Variants in GDF7 observed in about 807,000 individuals in gnomAD.
GDF7 encodes growth/differentiation factor 7.
A neutral mutation model predicts 13.4 loss-of-function variants in GDF7; 12 were observed. That is an observed-to-expected ratio of 0.90 (90% confidence interval 0.57 to 1.45). GDF7 has a LOEUF of 1.45. Among genes scored for constraint, GDF7 ranks in the 40% most tolerant of loss-of-function variants. GDF7 has a pLI of 0.00. For missense variants in GDF7, 651 were observed against 652.4 expected (o/e 1.00, Z 0.02); for synonymous variants, 330 against 306.4 (o/e 1.08, Z -0.80).
Position 20,670,607 on chromosome 2 carries a change from TTGC to T in GDF7, c.544_546del (p.Leu182del), listed in dbSNP as rs1042704917. 6.3e-7 allele frequency: 1 copy of T among 1,590,826 alleles called. No homozygotes were observed. The highest frequency in any genetic ancestry group is 8.5e-7 in the Non-Finnish European group (1 of 1,170,948). Reference sequence around the variant, plus strand: ...CCCAGGCAGCTGGACTTCTCCGCCGTTGCTGCTGCTGTCCACGTGCCCGGGCGC... The same window carrying T: ...CCCAGGCAGCTGGACTTCTCCGCCGTTGCTGCTGTCCACGTGCCCGGGCGC... On this transcript the variant is annotated inframe_deletion, in exon 2 of 2. Coordinates refer to ENST00000272224, the MANE Select transcript of GDF7 (RefSeq NM_182828.4).
Position 20,670,492 on chromosome 2 carries a change from C to A in GDF7, c.420C>A (p.Ser140Arg). Residue 140 changes from serine to arginine, a missense_variant, in exon 2 of 2, where the codon AGC (serine) becomes AGA (arginine). Transcript: ENST00000272224. ...QDESAAETGQ[S>R]FLFDVSSLND... Reference sequence around the variant, plus strand: ...AATCGGCAGCCGAAACAGGCCAGAGCTTCCTGTTCGACGTGTCCAGCCTTA... The same window carrying A: ...AATCGGCAGCCGAAACAGGCCAGAGATTCCTGTTCGACGTGTCCAGCCTTA... 1.3e-6 allele frequency: 2 copies of A among 1,570,634 alleles called. No individual in the cohort carries two copies. Among genetic ancestry groups the A allele is most frequent in the Non-Finnish European group, 1.7e-6 (2 of 1,159,402 alleles).
At chr2:20,669,301 C>A (rs1336140508) in intron 1 of GDF7, among the ~76,000 whole-genome samples, 1 of 152,168 alleles carries the variant, frequency 6.6e-6, no homozygotes, top group Non-Finnish European at 1.5e-5. Context: ...ACCTTCGTGG[C>A]TGGTGAGCAA....
At chr2:20,670,433 C>G (rs201215853) in intron 1 of GDF7, 31 bp from the exon 2 acceptor site, 6 of 1,493,634 alleles carry the variant, frequency 4.0e-6, no homozygotes, top group Non-Finnish European at 5.4e-6. Context: ...TTACACAGCT[C>G]TTTCTCTCTG....
Position 20,667,686 on chromosome 2 carries a change from C to T in GDF7, c.391+56C>T, listed in dbSNP as rs879418284. The T allele has an allele frequency of 3.9e-6, 5 of 1,268,572 alleles. No homozygotes were observed. Among genetic ancestry groups the T allele is most frequent in the Non-Finnish European group, 5.0e-6 (5 of 997,560 alleles). The allele number at this position is 1,268,572 out of a possible 1,614,324, so 78.6% of individuals were successfully genotyped here. The stretch of plus-strand genomic sequence containing the variant: ...CCGTCAGGTCCTGGGCTGAGACCAG[C>T]CCCGGAGCCGTGCCGCAGCTCCGTT... On this transcript the variant is annotated intron_variant, in intron 1 of 1. Coordinates refer to ENST00000272224, the MANE Select transcript of GDF7 (RefSeq NM_182828.4). This position sits in a 1 kb window ranked among gnomAD's most constrained non-coding sequence, Gnocchi z 6.4.
rs552748531 is a variant in GDF7, at chr2:20,667,814, G to A, written c.391+184G>A. 8.0e-4 allele frequency among the ~76,000 whole-genome samples: 122 copies of A among 152,334 alleles called. No homozygotes were observed. The highest frequency in any genetic ancestry group is 1.3e-3 in the Non-Finnish European group (91 of 68,020). ...CCGCTGCACCTGGACTGTGGCGAGA[G>A]TCGCGGCAGCTCCCGGGGCCCAGTC... On this transcript the variant is annotated intron_variant, in intron 1 of 1. Coordinates refer to ENST00000272224, the MANE Select transcript of GDF7 (RefSeq NM_182828.4). This position sits in a 1 kb window ranked among gnomAD's most constrained non-coding sequence, Gnocchi z 6.4.
Position 20,671,402 on chromosome 2 carries a change from G to T in GDF7, c.1330G>T (p.Val444Leu). 1 of 1,611,244 alleles carries T rather than the reference G, an allele frequency of 6.2e-7. No individual in the cohort carries two copies. The highest frequency in any genetic ancestry group is 8.5e-7 in the Non-Finnish European group (1 of 1,178,912). Residue 444 changes from valine to leucine, a missense_variant, in exon 2 of 2, where the codon GTG (valine) becomes TTG (leucine). Coordinates refer to ENST00000272224, the MANE Select transcript of GDF7 (RefSeq NM_182828.4). ...CTACAAGCAATACGAGGACATGGTG[G>T]TGGAGGCCTGCGGCTGCAGGTAGCG... ...VVYKQYEDMV[V>L]EACGCR
In GDF7 at chr2:20,677,882, T is replaced by G. The variant is rs1662259667; in HGVS notation, c.*6457T>G. On this transcript the variant is annotated 3_prime_UTR_variant, in exon 2 of 2. Transcript: ENST00000272224. ...ACCAGGTGTGTTGAGGGCCTCCCCT[T>G]GCCTGCACCTTTTTATCTCTGAGTG... The G allele has an allele frequency of 6.6e-6, 1 of 152,450 alleles. No individual in the cohort carries two copies. The highest frequency in any genetic ancestry group is 1.5e-5 in the Non-Finnish European group (1 of 68,216). 9.4% of individuals were successfully genotyped at this position (152,450 alleles called of 1,614,324 possible). A position where few individuals can be genotyped will look rare whatever the true frequency, so the allele number is the denominator to read the frequency against.
chr2:20,668,931 G>A (rs1662042795), intron 1 of GDF7, among the ~76,000 whole-genome samples: 1 of 95,666 alleles, frequency 1.0e-5, no homozygotes, highest in Non-Finnish European at 2.1e-5. Flanking sequence ...CAGGCTGCAG[G>A]AGAAGGGGGG....
chr2:20,670,821 T>C lies in GDF7; in HGVS notation c.749T>C (p.Leu250Pro). ...PVPSPLALRR[L>P]GFGWPGGGGS... ...CCGAGCCCGTTGGCACTGCGGCGGCTGGGCTTCGGCTGGCCGGGCGGAGGG... is the reference window on the plus strand; with the variant it reads ...CCGAGCCCGTTGGCACTGCGGCGGCCGGGCTTCGGCTGGCCGGGCGGAGGG... The change falls in exon 2 of 2, where the codon CTG becomes CCG. Residue 250 changes from leucine to proline, a missense_variant. Coordinates refer to ENST00000272224, the MANE Select transcript of GDF7 (RefSeq NM_182828.4). 2.0e-6 allele frequency: 3 copies of C among 1,493,338 alleles called. No homozygotes were observed. Among genetic ancestry groups the C allele is most frequent in the South Asian group, 1.3e-5 (1 of 79,076 alleles). The allele number at this position is 1,493,338 out of a possible 1,614,324, so 92.5% of individuals were successfully genotyped here.
rs549160116 is a variant in GDF7, at chr2:20,676,430, T to C, written c.*5005T>C. 1 of 152,404 alleles carries C rather than the reference T, an allele frequency of 6.6e-6. No individual in the cohort carries two copies. The highest frequency in any genetic ancestry group is 2.1e-4 in the South Asian group (1 of 4,830). 9.4% of individuals were successfully genotyped at this position (152,404 alleles called of 1,614,324 possible). A position where few individuals can be genotyped will look rare whatever the true frequency, so the allele number is the denominator to read the frequency against. On this transcript the variant is annotated 3_prime_UTR_variant, in exon 2 of 2. Coordinates refer to ENST00000272224, the MANE Select transcript of GDF7 (RefSeq NM_182828.4). The stretch of plus-strand genomic sequence containing the variant: ...CTGTCTTCCTCCCTCTGTGCTGTTC[T>C]GGACTTTAATCTGTGTGCACAGCTT...
At position 20,667,528 on chromosome 2, in the gene GDF7, C is replaced by G. The variant is rs772701153; in HGVS notation, c.289C>G (p.Arg97Gly). The part of the protein sequence containing the change: ...VPHHFMMSLY[R>G]SLAGRAPAGA... ...GCACCACTTCATGATGTCGCTTTAC[C>G]GGAGCCTGGCCGGGAGGGCTCCGGC... The change falls in exon 1 of 2, where the codon CGG becomes GGG. Residue 97 changes from arginine to glycine, a missense_variant. Around this residue, in one of 4 missense-constraint regions of GDF7, gnomAD observed 487 missense variants for 445.9 expected, o/e 1.09. Transcript: ENST00000272224. This position sits in a 1 kb window ranked among gnomAD's most constrained non-coding sequence, Gnocchi z 6.4. 7.0e-7 allele frequency: 1 copy of G among 1,432,876 alleles called. No individual in the cohort carries two copies. The highest frequency in any genetic ancestry group is 9.1e-7 in the Non-Finnish European group (1 of 1,098,698). The allele number at this position is 1,432,876 out of a possible 1,614,324, so 88.8% of individuals were successfully genotyped here.
At position 20,671,156 on chromosome 2, in the gene GDF7, G is replaced by C. The variant is rs1662117906; in HGVS notation, c.1084G>C (p.Gly362Arg). ...GTTGCACGTGGACTTCAAGGAGCTC[G>C]GCTGGGACGACTGGATCATCGCGCC... is the stretch of plus-strand genomic sequence containing the variant. ...KPLHVDFKEL[G>R]WDDWIIAPLD... The change falls in exon 2 of 2, where the codon GGC (glycine) becomes CGC (arginine). Residue 362 changes from glycine to arginine, a missense_variant. Transcript: ENST00000272224. The C allele has an allele frequency of 6.2e-7, 1 of 1,613,310 alleles. No homozygotes were observed. Among genetic ancestry groups the C allele is most frequent in the South Asian group, 1.1e-5 (1 of 91,072 alleles).
rs1233596442 is a variant in GDF7 at position 20,675,097 on chromosome 2, AGGAAGAGAG to A, written c.*3673_*3681del. 56 of 152,212 alleles carry A rather than the reference AGGAAGAGAG, an allele frequency of 3.7e-4. No homozygotes were observed. The highest frequency in any genetic ancestry group is 6.3e-4 in the Non-Finnish European group (43 of 68,038). 9.4% of individuals were successfully genotyped at this position (152,212 alleles called of 1,614,324 possible). The stretch of plus-strand genomic sequence containing the variant: ...TCTGGTCTCCAGGAAATCCAGTGGC[AGGAAGAGAG>A]TGTCCTGAGGCTGCCTCTGGGGGCA... On this transcript the variant is annotated 3_prime_UTR_variant, in exon 2 of 2. Coordinates refer to ENST00000272224, the MANE Select transcript of GDF7 (RefSeq NM_182828.4).
rs1695988858 is a variant in GDF7 at position 20,667,562 on chromosome 2, C to T, written c.323C>T (p.Ala108Val). The T allele has an allele frequency of 6.7e-7, 1 of 1,497,778 alleles. No homozygotes were observed. The highest frequency in any genetic ancestry group is 8.8e-7 in the Non-Finnish European group (1 of 1,130,604). 92.8% of individuals were successfully genotyped at this position (1,497,778 alleles called of 1,614,324 possible). Residue 108 changes from alanine to valine, a missense_variant, in exon 1 of 2, where the codon GCC (alanine) becomes GTC (valine). Ala to Val is a moderately conservative substitution (Grantham distance 64). This residue lies in a region of GDF7 where 487 missense variants were observed against 445.9 expected (regional missense o/e 1.09). Transcript: ENST00000272224. This position sits in a 1 kb window ranked among gnomAD's most constrained non-coding sequence, Gnocchi z 6.4. Reference sequence around the variant, plus strand: ...GCCGGGAGGGCTCCGGCCGGGGCAGCCGCTGTCTCCGCCTCGGGCCATGGT... The same window carrying T: ...GCCGGGAGGGCTCCGGCCGGGGCAGTCGCTGTCTCCGCCTCGGGCCATGGT... ...SLAGRAPAGAAAVSASGHGRA... is the reference protein window; with the variant it reads ...SLAGRAPAGAVAVSASGHGRA...
chr2:20,670,846 G>A lies in GDF7; in HGVS notation c.774G>A (p.Gly258=), dbSNP rs1662107424. The change falls in exon 2 of 2, where the codon GGG becomes GGA. Residue 258 remains glycine (G), a synonymous_variant. Transcript: ENST00000272224. ...RRLGFGWPGG[G]GSAAEERAVL... The stretch of plus-strand genomic sequence containing the variant: ...TGGGCTTCGGCTGGCCGGGCGGAGG[G>A]GGCTCTGCGGCAGAGGAGCGCGCGG... The A allele has an allele frequency of 6.7e-7, 1 of 1,499,440 alleles. No individual in the cohort carries two copies. 92.9% of individuals were successfully genotyped at this position (1,499,440 alleles called of 1,614,324 possible).
Position 20,671,008 on chromosome 2 carries a change from A to AGTC in GDF7, c.937_939dup (p.Val313dup). 6.5e-7 allele frequency: 1 copy of AGTC among 1,546,048 alleles called. No individual in the cohort carries two copies. On this transcript the variant is annotated inframe_insertion, in exon 2 of 2. Transcript: ENST00000272224. ...GAACCGGCACCGCGTCGCCAAGGGC[A>AGTC]GTCATTGGCGGCCGCAGACGGAGGA...
Position 20,674,545 on chromosome 2 carries a change from G to A in GDF7, c.*3120G>A, listed in dbSNP as rs1037052530. On this transcript the variant is annotated 3_prime_UTR_variant, in exon 2 of 2. Transcript: ENST00000272224. Reference sequence around the variant, plus strand: ...GAAACCAGGGCTTTCGTATTAAGGAGGATCACCCACACTGGCAGGCGGGCA... The same window carrying A: ...GAAACCAGGGCTTTCGTATTAAGGAAGATCACCCACACTGGCAGGCGGGCA... The A allele has an allele frequency of 1.3e-5, 2 of 152,266 alleles. No homozygotes were observed. The highest frequency in any genetic ancestry group is 2.9e-5 in the Non-Finnish European group (2 of 68,102). 9.4% of individuals were successfully genotyped at this position (152,266 alleles called of 1,614,324 possible).
chr2:20,669,165 C>A (rs896889014), intron 1 of GDF7, among the ~76,000 whole-genome samples: 1 of 152,140 alleles, frequency 6.6e-6, no homozygotes, highest in African/African-American at 2.4e-5. Context: ...AAGTGCTCCT[C>A]GTGCAGCCCC....
Position 20,667,527 on chromosome 2 carries a change from C to T in GDF7, c.288C>T (p.Tyr96=). 7.0e-7 allele frequency: 1 copy of T among 1,432,062 alleles called. No individual in the cohort carries two copies. Among genetic ancestry groups the T allele is most frequent in the Non-Finnish European group, 9.1e-7 (1 of 1,098,182 alleles). 88.7% of individuals were successfully genotyped at this position (1,432,062 alleles called of 1,614,324 possible). ...VVPHHFMMSL[Y]RSLAGRAPAG... is the part of the protein sequence containing the mutation. ...CGCACCACTTCATGATGTCGCTTTA[C>T]CGGAGCCTGGCCGGGAGGGCTCCGG... The change falls in exon 1 of 2, where the codon TAC becomes TAT. Residue 96 remains tyrosine (Y), a synonymous_variant. Transcript: ENST00000272224. This position sits in a 1 kb window ranked among gnomAD's most constrained non-coding sequence, Gnocchi z 6.4.
Sources: gnomAD v4.1 joint callset for allele counts (sites outside exome capture counted in the v4.1 genomes callset) on GRCh38, gnomAD v4.1.1 for gene constraint, gnomAD v4.1.1 regional missense constraint, Gnocchi (gnomAD v3.1) non-coding constraint, MANE v1.5 for transcripts, NCBI Gene and HGNC (gene_info 2026-07-23, HGNC 2026-07-21) for gene names.